RBMS3: variants seen among roughly 807,000 people sequenced by gnomAD.
RBMS3 encodes the protein RNA-binding motif, single-stranded-interacting protein 3.
RBMS3 carries 27 observed loss-of-function variants against 66.8 expected under a neutral mutation model. That is an observed-to-expected ratio of 0.40 (90% CI 0.30 to 0.56). RBMS3 has a LOEUF of 0.56. Ranked by LOEUF, RBMS3 falls within the 20% of genes least tolerant of loss-of-function variation. RBMS3 has a pLI of 0.40. For synonymous variants in RBMS3, 188 were observed against 183.0 expected (o/e 1.03, Z -0.22); for missense variants, 513 against 549.5 (o/e 0.93, Z 0.66).
At chr3:29,539,748 C>G (rs1411385483) in intron 3 of RBMS3, among the ~76,000 whole-genome samples, 1 of 152,168 alleles carries the variant, frequency 6.6e-6, no homozygotes, top group Non-Finnish European at 1.5e-5. Context: ...TAAAGACTGA[C>G]AAGACATCAG....
intron 2 of RBMS3, among the ~76,000 whole-genome samples, chr3:29,476,134 G>A (rs1474707210): frequency 6.6e-6 from 1 of 152,190 alleles, no homozygotes; most frequent in Non-Finnish European, 1.5e-5. Context: ...TGAACCAGAA[G>A]TCACTGATAC....
intron 4 of RBMS3, among the ~76,000 whole-genome samples, chr3:29,655,277 C>T (rs955808641): frequency 5.3e-5 from 8 of 152,086 alleles, no homozygotes; most frequent in Admixed American, 5.2e-4. Context: ...ATTTAGCTCC[C>T]CGTCTGCAGG....
At chr3:29,516,763 G>A (rs967019894) in intron 3 of RBMS3, among the ~76,000 whole-genome samples, 1 of 152,050 alleles carries the variant, frequency 6.6e-6, no homozygotes, top group Non-Finnish European at 1.5e-5. Flanking sequence ...TCAGAGAAAG[G>A]GGAGCAATAT....
At chr3:29,449,295 CA>C (rs1482832273) in intron 2 of RBMS3, among the ~76,000 whole-genome samples, 2 of 152,066 alleles carry the variant, frequency 1.3e-5, no homozygotes, top group African/African-American at 4.8e-5. Context: ...AACTCTTCAG[CA>C]AAAATGTGTT....
chr3:29,716,584 T>G (rs1412451617), intron 4 of RBMS3, among the ~76,000 whole-genome samples: 1 of 152,186 alleles, frequency 6.6e-6, no homozygotes, highest in African/African-American at 2.4e-5. Context: ...ACACTGCCAT[T>G]TTCCTTTTAT....
intron 11 of RBMS3, 46 bp downstream of exon 11, chr3:29,936,242 A>T: frequency 1.3e-6 from 2 of 1,533,904 alleles, no homozygotes; most frequent in Non-Finnish European, 1.8e-6. Context: ...TTTTGATCAG[A>T]TGTGATATTC....
chr3:29,347,123 C>G (rs1012330269), intron 1 of RBMS3, among the ~76,000 whole-genome samples: 22 of 152,146 alleles, frequency 1.4e-4, no homozygotes, highest in Non-Finnish European at 4.4e-5. Flanking sequence ...TATGAAGACT[C>G]TGGAGGCTGA....
At chr3:29,479,195 T>A (rs1057280781) in intron 2 of RBMS3, among the ~76,000 whole-genome samples, 1 of 151,974 alleles carries the variant, frequency 6.6e-6, no homozygotes, top group African/African-American at 2.4e-5. Context: ...GAAAATAATA[T>A]CAACTAATTA....
At chr3:29,861,055 G>A (rs2059202153) in intron 6 of RBMS3, among the ~76,000 whole-genome samples, 1 of 152,086 alleles carries the variant, frequency 6.6e-6, no homozygotes, top group Non-Finnish European at 1.5e-5. Context: ...AGTAGAGACG[G>A]GGTTTCACCG....
chr3:29,853,423 C>CTTTTCTTTTTTT (rs2058987482), intron 6 of RBMS3, among the ~76,000 whole-genome samples: 1 of 84,542 alleles, frequency 1.2e-5, no homozygotes, highest in East Asian at 3.7e-4. Flanking sequence ...AATTTACTTT[C>CTTTTCTTTTTTT]TTTTTTTTTT....
intron 7 of RBMS3, among the ~76,000 whole-genome samples, chr3:29,883,401 T>C (rs2059783008): frequency 6.6e-6 from 1 of 152,120 alleles, no homozygotes; most frequent in South Asian, 2.1e-4. Context: ...TCCTCCTGCC[T>C]ACTTCATAGG....
At chr3:29,994,368 T>G (rs1190221512) in intron 14 of RBMS3, among the ~76,000 whole-genome samples, 1 of 152,228 alleles carries the variant, frequency 6.6e-6, no homozygotes, top group Non-Finnish European at 1.5e-5. Flanking sequence ...CACCCGCCAT[T>G]GCCCAGGCTT....
intron 1 of RBMS3, among the ~76,000 whole-genome samples, chr3:29,416,515 T>G (rs2125693968): frequency 6.7e-6 from 1 of 148,502 alleles, no homozygotes; most frequent in African/African-American, 2.5e-5. Context: ...TCCTTGTCTC[T>G]TTTCACACTA....
rs13099778 is a variant in RBMS3 at position 29,871,795 on chromosome 3, C to A, written c.744+2831C>A. ...TTACAAGTATTTTAGAAGTACCATG[C>A]GCATGCCAATTGATAGACTAATTAA... is the stretch of plus-strand genomic sequence containing the variant. On this transcript the variant is annotated intron_variant, in intron 7 of 14. Transcript: ENST00000383767. Among the ~76,000 whole-genome samples the A allele has an allele frequency of 4.3e-3, 656 of 152,098 alleles. 4 individuals carry two copies. The highest frequency in any genetic ancestry group is 6.1e-3 in the Non-Finnish European group (415 of 67,984).
intron 4 of RBMS3, among the ~76,000 whole-genome samples, chr3:29,652,097 G>A (rs1202023809): frequency 6.6e-6 from 1 of 152,112 alleles, no homozygotes; most frequent in Non-Finnish European, 1.5e-5. Flanking sequence ...GATGATGGTG[G>A]CAGTCAGAAG....
chr3:29,366,447 T>A (rs1279397039), intron 1 of RBMS3, among the ~76,000 whole-genome samples: 1 of 152,166 alleles, frequency 6.6e-6, no homozygotes, highest in Non-Finnish European at 1.5e-5. Flanking sequence ...AGCACAGTGG[T>A]GTATCAAAGT....
chr3:29,301,206 A>G (rs1012135720), intron 1 of RBMS3, among the ~76,000 whole-genome samples: 9 of 152,002 alleles, frequency 5.9e-5, no homozygotes, highest in Non-Finnish European at 8.8e-5. Flanking sequence ...TTTGAAGTTA[A>G]TAAGTATGAA....
intron 3 of RBMS3, among the ~76,000 whole-genome samples, chr3:29,491,866 GC>G (rs750377960): frequency 2.2e-4 from 33 of 152,274 alleles, no homozygotes; most frequent in Non-Finnish European, 4.4e-4. Flanking sequence ...GGTGGCGGGT[GC>G]CTGTAGTCCC....
intron 1 of RBMS3, among the ~76,000 whole-genome samples, chr3:29,312,479 A>C (rs2034438074): frequency 6.6e-6 from 1 of 151,718 alleles, no homozygotes; most frequent in African/African-American, 2.4e-5. Context: ...GTCTTTTATA[A>C]ATTTATTCAT....
Sources: gnomAD v4.1 joint callset for allele counts (sites outside exome capture counted in the v4.1 genomes callset) on GRCh38, gnomAD v4.1.1 for gene constraint, MANE v1.5 for transcripts, NCBI Gene and HGNC (gene_info 2026-07-23, HGNC 2026-07-21) for gene names.